ENOPH1: variants seen among roughly 807,000 people sequenced by gnomAD.
ENOPH1 encodes the protein enolase-phosphatase E1.
Under a neutral mutation model 31.1 loss-of-function variants are expected in ENOPH1, and 14 were observed. The ratio of observed to expected loss-of-function variants is 0.45; its 90% CI spans 0.30 to 0.70. The LOEUF (loss-of-function observed/expected upper bound fraction) is 0.70, where lower values mean the gene tolerates loss of function less well. Ranked by LOEUF, ENOPH1 falls within the 30% of genes least tolerant of loss-of-function variation. The pLI is 0.09. For missense variants in ENOPH1, 243 were observed against 321.5 expected (o/e 0.76, Z 1.87); for synonymous variants, 127 against 123.2 (o/e 1.03, Z -0.21).
chr4:82,437,674 A>G (rs2110037798), intron 1 of ENOPH1, among the ~76,000 whole-genome samples: 1 of 152,332 alleles, frequency 6.6e-6, no homozygotes, highest in Admixed American at 6.5e-5. Context: ...CATTGTCAGT[A>G]CCATGTGTAG....
chr4:82,446,738 C>T (rs1323173809), intron 1 of ENOPH1, among the ~76,000 whole-genome samples: 17 of 114,858 alleles, frequency 1.5e-4, no homozygotes, highest in Non-Finnish European at 2.5e-4. Flanking sequence ...CTCGCTCTGT[C>T]GCCCAGGCCG....
At chr4:82,448,955 G>A (rs1722270711) in intron 2 of ENOPH1, among the ~76,000 whole-genome samples, 1 of 150,706 alleles carries the variant, frequency 6.6e-6, no homozygotes, top group Non-Finnish European at 1.5e-5. Context: ...CTACTTGGGA[G>A]GCTGAGGCAG....
intron 1 of ENOPH1, among the ~76,000 whole-genome samples, chr4:82,441,727 C>T (rs1364588206): frequency 6.6e-6 from 1 of 152,090 alleles, no homozygotes; most frequent in African/African-American, 2.4e-5. Flanking sequence ...ATCACTTAAG[C>T]CCAGGAGTTC....
chr4:82,457,534 G>C (rs750537485), intron 5 of ENOPH1, among the ~76,000 whole-genome samples: 1 of 152,122 alleles, frequency 6.6e-6, no homozygotes, highest in Non-Finnish European at 1.5e-5. Context: ...ACCAACTCTG[G>C]GGGTTGCATG....
At chr4:82,436,801 A>G (rs1359098510) in intron 1 of ENOPH1, among the ~76,000 whole-genome samples, 2 of 152,048 alleles carry the variant, frequency 1.3e-5, no homozygotes, top group Non-Finnish European at 2.9e-5. Flanking sequence ...GCTGCCTACC[A>G]CATGAGCCTT....
chr4:82,435,414 A>G (rs968140861), intron 1 of ENOPH1, among the ~76,000 whole-genome samples: 1 of 152,102 alleles, frequency 6.6e-6, no homozygotes. Flanking sequence ...AATTTTTAAA[A>G]TTTTTTGCAG....
intron 2 of ENOPH1, among the ~76,000 whole-genome samples, chr4:82,449,788 C>G (rs544079283): frequency 3.3e-5 from 5 of 152,250 alleles, no homozygotes; most frequent in East Asian, 3.9e-4. Context: ...CCTGCTGCCC[C>G]CTCTGCAGTG....
chr4:82,448,630 G>A (rs1329814582), intron 2 of ENOPH1, among the ~76,000 whole-genome samples: 1 of 151,520 alleles, frequency 6.6e-6, no homozygotes, highest in Non-Finnish European at 1.5e-5. Flanking sequence ...TCTAGAAAAA[G>A]GCAACTCTAG....
chr4:82,440,603 G>A (rs955695734), intron 1 of ENOPH1, among the ~76,000 whole-genome samples: 5 of 152,208 alleles, frequency 3.3e-5, no homozygotes, highest in African/African-American at 1.2e-4. Flanking sequence ...CTCTGGGCCA[G>A]TCAAGTTCCC....
At chr4:82,453,329 C>G (rs763749609) in intron 3 of ENOPH1, among the ~76,000 whole-genome samples, 1 of 152,146 alleles carries the variant, frequency 6.6e-6, no homozygotes, top group Non-Finnish European at 1.5e-5. Context: ...ATGTACTTTA[C>G]GAGGAGCTTC....
intron 1 of ENOPH1, among the ~76,000 whole-genome samples, chr4:82,447,671 A>G (rs891447951): frequency 6.6e-6 from 1 of 152,244 alleles, no homozygotes; most frequent in African/African-American, 2.4e-5. Context: ...CTATGTTCCA[A>G]TAAAACTTCA....
At chr4:82,455,292 C>A (rs1722455599) in intron 4 of ENOPH1, among the ~76,000 whole-genome samples, 2 of 152,148 alleles carry the variant, frequency 1.3e-5, no homozygotes, top group South Asian at 2.1e-4. Context: ...TTCTTGCTAG[C>A]CCCTCTGTGT....
At position 82,454,811 on chromosome 4, in the gene ENOPH1, A is replaced by G; in HGVS notation, c.479A>G (p.Gln160Arg). 3 of 1,614,000 alleles carry G rather than the reference A, an allele frequency of 1.9e-6. No homozygotes were observed. The highest frequency in any genetic ancestry group is 2.5e-6 in the Non-Finnish European group (3 of 1,180,014). The change falls in exon 4 of 6, where the codon CAG becomes CGG. Residue 160 changes from glutamine (Q) to arginine (R), a missense_variant. Transcript: ENST00000273920. ...YIYSSGSVEA[Q>R]KLLFGHSTEG... Reference sequence around the variant, plus strand: ...TATTCCTCAGGGAGTGTGGAGGCACAGAAACTGTTATTCGGGCATTCTACG... The same window carrying G: ...TATTCCTCAGGGAGTGTGGAGGCACGGAAACTGTTATTCGGGCATTCTACG...
chr4:82,445,247 T>C (rs1281822389), intron 1 of ENOPH1, among the ~76,000 whole-genome samples: 1 of 151,894 alleles, frequency 6.6e-6, no homozygotes, highest in Non-Finnish European at 1.5e-5. Context: ...AAAAAAAAAT[T>C]CTTATAATGT....
chr4:82,455,667 TC>T, intron 4 of ENOPH1, among the ~76,000 whole-genome samples: 1 of 151,770 alleles, frequency 6.6e-6, no homozygotes, highest in East Asian at 1.9e-4. Context: ...GCACCTGTAG[TC>T]CCAGCTACTC....
At chr4:82,459,815 A>G (rs537904070) in intron 5 of ENOPH1, among the ~76,000 whole-genome samples, 166 bp from the exon 6 acceptor site, 9 of 152,318 alleles carry the variant, frequency 5.9e-5, no homozygotes, top group Non-Finnish European at 8.8e-5. Context: ...TAAAAGAGAT[A>G]ATAATATAGT....
intron 1 of ENOPH1, among the ~76,000 whole-genome samples, chr4:82,433,337 T>C (rs1473775966): frequency 1.3e-5 from 2 of 152,226 alleles, no homozygotes; most frequent in Admixed American, 6.5e-5. Flanking sequence ...AGACTTATTC[T>C]GAAATCCAAA....
chr4:82,443,162 C>T (rs1488685298), intron 1 of ENOPH1, among the ~76,000 whole-genome samples: 1 of 152,126 alleles, frequency 6.6e-6, no homozygotes, highest in Admixed American at 6.5e-5. Context: ...TGGGGCCGGT[C>T]ATGGTGGCTC....
intron 1 of ENOPH1, among the ~76,000 whole-genome samples, chr4:82,445,288 C>T (rs1158262511): frequency 6.6e-6 from 1 of 152,008 alleles, no homozygotes; most frequent in African/African-American, 2.4e-5. Context: ...ATTTAATAAG[C>T]AACTTGAAGG....
Sources: gnomAD v4.1 joint callset for allele counts (sites outside exome capture counted in the v4.1 genomes callset) on GRCh38, gnomAD v4.1.1 for gene constraint, MANE v1.5 for transcripts, NCBI Gene and HGNC (gene_info 2026-07-23, HGNC 2026-07-21) for gene names.